The following GGTA1 variants were observed in gnomAD, a reference collection of about 807,000 sequenced individuals.
The protein encoded by GGTA1 is inactive N-acetyllactosaminide alpha-1,3-galactosyltransferase.
In GGTA1, 5 loss-of-function variants were observed where a neutral mutation model predicts 2.6. That is an observed-to-expected ratio of 1.92 (90% CI 1.00 to 4.04). The LOEUF is 4.04. GGTA1 is among the 30% of genes most tolerant of loss of function. GGTA1 has a pLI of 0.00. For missense variants in GGTA1, 50 were observed against 16.7 expected, an observed-to-expected ratio of 2.99 and a Z score of -3.47; for synonymous variants, 17 against 5.0, an observed-to-expected ratio of 3.38 and a Z score of -3.19.
At chr9:121,487,458 C>T (rs1828782939) in intron 1 of GGTA1, among the ~76,000 whole-genome samples, 1 of 151,206 alleles carries the variant, frequency 6.6e-6, no homozygotes, top group African/African-American at 2.4e-5. Context: ...CACCTGTAAT[C>T]CCAGCTACTC....
intron 1 of GGTA1, among the ~76,000 whole-genome samples, chr9:121,469,464 G>A (rs142894182): frequency 6.6e-6 from 1 of 152,262 alleles, no homozygotes; most frequent in East Asian, 1.9e-4. Context: ...AGGAAAGGGA[G>A]CCACAAGCAC....
At chr9:121,469,217 C>T (rs542973569) in intron 1 of GGTA1, among the ~76,000 whole-genome samples, 7 of 152,138 alleles carry the variant, frequency 4.6e-5, no homozygotes, top group South Asian at 2.1e-4. Context: ...AAAGTAAAGT[C>T]GAGTCCCAAG....
intron 1 of GGTA1, among the ~76,000 whole-genome samples, chr9:121,484,378 G>A (rs1379673859): frequency 2.0e-5 from 3 of 148,832 alleles, no homozygotes; most frequent in African/African-American, 7.4e-5. Flanking sequence ...TTTTTTTTTT[G>A]AGACGGAGTC....
At chr9:121,445,242 A>C (rs899928393) in exon 8 of GGTA1, 1 of 152,178 alleles carries the variant, frequency 6.6e-6, no homozygotes, top group Non-Finnish European at 1.5e-5. Context: ...AGACAACCTG[A>C]CTAATAGAGA....
intron 1 of GGTA1, among the ~76,000 whole-genome samples, chr9:121,483,861 G>T (rs1828702630): frequency 6.6e-6 from 1 of 152,212 alleles, no homozygotes; most frequent in Non-Finnish European, 1.5e-5. Flanking sequence ...TCTTGGCAAA[G>T]AATGCTACAG....
intron 1 of GGTA1, among the ~76,000 whole-genome samples, chr9:121,488,210 C>A (rs1282781428): frequency 6.6e-6 from 1 of 152,094 alleles, no homozygotes; most frequent in East Asian, 1.9e-4. Context: ...GCTATTCAGA[C>A]ATGATCATAG....
intron 1 of GGTA1, among the ~76,000 whole-genome samples, 166 bp downstream of exon 1, chr9:121,499,484 G>C (rs899149910): frequency 6.6e-6 from 1 of 152,156 alleles, no homozygotes; most frequent in Non-Finnish European, 1.5e-5. Context: ...TTGGCACCGA[G>C]GTAGCGACAA....
In GGTA1 at chr9:121,467,894, G is replaced by T. The variant is rs2065016171; in HGVS notation, c.29C>A (p.Ser10Ter). The T allele has an allele frequency of 2.2e-6, 1 of 456,258 alleles. No homozygotes were observed. The highest frequency in any genetic ancestry group is 1.6e-5 in the South Asian group (1 of 64,426). 28.3% of individuals were successfully genotyped at this position (456,258 alleles called of 1,614,324 possible). The change falls in exon 2 of 6, where the codon TCA becomes TAA. Residue 10 changes from serine to a stop codon, truncating the protein, a stop_gained. Transcript: ENST00000481799. LOFTEE classifies it high-confidence loss of function. ...GATCACAGTTGAGACAACCAGCATT[G>T]ACAGAATTACTTTTCCTTTGACATT... MNVKGKVIL[S>*]MLVVSTVIIV...
chr9:121,480,080 G>T (rs1455296822), intron 1 of GGTA1, among the ~76,000 whole-genome samples: 8 of 85,986 alleles, frequency 9.3e-5, no homozygotes, highest in Non-Finnish European at 6.0e-5. Flanking sequence ...TTTTGAGATG[G>T]AGTCTCACTC....
At chr9:121,490,580 C>T (rs1241987299) in intron 1 of GGTA1, among the ~76,000 whole-genome samples, 1 of 152,224 alleles carries the variant, frequency 6.6e-6, no homozygotes, top group Non-Finnish European at 1.5e-5. Flanking sequence ...TTCACTTACA[C>T]CTGGAATGCA....
At chr9:121,483,072 C>T (rs1489019376) in intron 1 of GGTA1, among the ~76,000 whole-genome samples, 1 of 152,216 alleles carries the variant, frequency 6.6e-6, no homozygotes, top group Non-Finnish European at 1.5e-5. Flanking sequence ...GTGGTCCTCT[C>T]CATGAGCAAG....
intron 1 of GGTA1, among the ~76,000 whole-genome samples, chr9:121,477,733 G>A (rs1186909285): frequency 2.0e-5 from 3 of 151,556 alleles, no homozygotes; most frequent in African/African-American, 2.4e-5. Flanking sequence ...CCGCCACCAC[G>A]CCCAGCTAAT....
intron 1 of GGTA1, among the ~76,000 whole-genome samples, chr9:121,471,161 G>A (rs1828380710): frequency 6.6e-6 from 1 of 152,216 alleles, no homozygotes; most frequent in African/African-American, 2.4e-5. Context: ...GCTAAGAGGA[G>A]ACAGTGGCCA....
chr9:121,493,012 C>T (rs1211728655), intron 1 of GGTA1, among the ~76,000 whole-genome samples: 3 of 151,498 alleles, frequency 2.0e-5, no homozygotes, highest in Admixed American at 1.3e-4. Context: ...GGTGTGGTGG[C>T]GTGTGCCTGT....
At chr9:121,453,055 G>C (rs1278041082), downstream of GGTA1, among the ~76,000 whole-genome samples, 2 of 152,204 alleles carry the variant, frequency 1.3e-5, no homozygotes, top group African/African-American at 4.8e-5. Flanking sequence ...CATTAGATTA[G>C]AAAGAGAAAA....
rs12375857 is a variant in GGTA1, at chr9:121,485,333, C to T, written c.-10+14317G>A. ...ACCGTGAGGAGCTGGGACAATCCCC[C>T]GAGAGTCCCCCACCCCACTGGCTAT... On this transcript the variant is annotated intron_variant, in intron 1 of 5. Transcript: ENST00000481799. Among the ~76,000 whole-genome samples the T allele has an allele frequency of 3.0e-3, 459 of 152,192 alleles. 1 individual carries two copies. Among genetic ancestry groups the T allele is most frequent in the Middle Eastern group, 0.017 (5 of 294 alleles).
chr9:121,488,141 G>GTGTT, intron 1 of GGTA1, among the ~76,000 whole-genome samples: 1 of 151,438 alleles, frequency 6.6e-6, no homozygotes, highest in South Asian at 2.1e-4. Flanking sequence ...GTGTGTGTGT[G>GTGTT]TTTAAAGTTT....
At chr9:121,487,293 C>G (rs926520850) in intron 1 of GGTA1, among the ~76,000 whole-genome samples, 1 of 149,888 alleles carries the variant, frequency 6.7e-6, no homozygotes, top group Non-Finnish European at 1.5e-5. Flanking sequence ...AAAGATGAGG[C>G]TCAGGCTGCG....
intron 3 of GGTA1, among the ~76,000 whole-genome samples, chr9:121,461,806 C>T (rs187239173): frequency 6.6e-6 from 1 of 152,302 alleles, no homozygotes; most frequent in Admixed American, 6.5e-5. Context: ...ACAAGTTATA[C>T]GCTTCATGAA....
Sources: gnomAD v4.1 joint callset for allele counts (sites outside exome capture counted in the v4.1 genomes callset) on GRCh38, gnomAD v4.1.1 for gene constraint, MANE v1.5 for transcripts, NCBI Gene and HGNC (gene_info 2026-07-23, HGNC 2026-07-21) for gene names.